PREX1: variants seen among roughly 807,000 people sequenced by gnomAD.
PREX1 encodes phosphatidylinositol 3,4,5-trisphosphate-dependent Rac exchanger 1 protein.
Under a neutral mutation model 198.3 loss-of-function variants are expected in PREX1, and 41 were observed. That is an observed-to-expected ratio of 0.21 (90% CI 0.16 to 0.27). PREX1 has a LOEUF of 0.27. Among genes scored for constraint, PREX1 ranks in the 10% least tolerant of loss-of-function variants. PREX1 has a pLI of 1.00. For missense variants in PREX1, 1,620 were observed against 2,200.7 expected (o/e 0.74, Z 5.28); for synonymous variants, 843 against 887.2 (o/e 0.95, Z 0.89).
chr20:48,689,657 C>T (rs2089806566), intron 9 of PREX1, among the ~76,000 whole-genome samples: 1 of 152,208 alleles, frequency 6.6e-6, no homozygotes, highest in East Asian at 1.9e-4. Context: ...GAACCCCATC[C>T]CAGTCCTGAC....
chr20:48,671,513 C>T (rs1012362532), intron 14 of PREX1, among the ~76,000 whole-genome samples: 3 of 152,202 alleles, frequency 2.0e-5, no homozygotes, highest in African/African-American at 4.8e-5. Flanking sequence ...TGCAGCCAAA[C>T]GCATGTGTAA....
intron 1 of PREX1, among the ~76,000 whole-genome samples, chr20:48,813,838 C>T (rs34456549): frequency 2.0e-5 from 3 of 152,178 alleles, no homozygotes; most frequent in African/African-American, 7.2e-5. Flanking sequence ...CACAAAATAT[C>T]ATTTTACCAT....
At chr20:48,704,231 C>G (rs912878316) in intron 6 of PREX1, among the ~76,000 whole-genome samples, 2 of 152,188 alleles carry the variant, frequency 1.3e-5, no homozygotes, top group African/African-American at 2.4e-5. Context: ...TCCACTCCCC[C>G]GACCTGCTCA....
At chr20:48,744,610 A>C (rs1601109537) in intron 3 of PREX1, among the ~76,000 whole-genome samples, 1 of 152,234 alleles carries the variant, frequency 6.6e-6, no homozygotes, top group East Asian at 1.9e-4. Context: ...GGGGCACCCC[A>C]GGATCAGACA....
chr20:48,678,761 A>T (rs1445556141), intron 13 of PREX1, among the ~76,000 whole-genome samples: 1 of 152,226 alleles, frequency 6.6e-6, no homozygotes, highest in Non-Finnish European at 1.5e-5. Flanking sequence ...TCCACGATTG[A>T]GAGGCCTCCC....
chr20:48,823,701 G>A (rs1017899541), intron 1 of PREX1, among the ~76,000 whole-genome samples: 1 of 152,212 alleles, frequency 6.6e-6, no homozygotes, highest in Non-Finnish European at 1.5e-5. Context: ...AGGAGGAAGC[G>A]CAGGCGGAGG....
chr20:48,739,913 A>C (rs1267349413), intron 3 of PREX1, among the ~76,000 whole-genome samples: 2 of 152,190 alleles, frequency 1.3e-5, no homozygotes, highest in Non-Finnish European at 2.9e-5. Context: ...GTGAAGTTTT[A>C]ATGAATGCAT....
chr20:48,681,137 G>A (rs1296898286), intron 11 of PREX1, 98 bp downstream of exon 11: 6 of 1,059,630 alleles, frequency 5.7e-6, no homozygotes, highest in South Asian at 4.1e-5. Context: ...GCGGCTGCAC[G>A]AAAGGATAGG....
intron 7 of PREX1, 63 bp downstream of exon 7, chr20:48,700,690 G>T: frequency 6.3e-7 from 1 of 1,587,680 alleles, no homozygotes; most frequent in Non-Finnish European, 8.6e-7. Context: ...GAAGTGACAA[G>T]CCCAAGGCAT....
chr20:48,811,316 A>C (rs1486399330), intron 1 of PREX1, among the ~76,000 whole-genome samples: 1 of 152,104 alleles, frequency 6.6e-6, no homozygotes, highest in African/African-American at 2.4e-5. Flanking sequence ...TACCCAGCCT[A>C]AACAAAAAAT....
chr20:48,828,824 C>A (rs1196186406), upstream of PREX1, among the ~76,000 whole-genome samples: 1 of 152,244 alleles, frequency 6.6e-6, no homozygotes, highest in African/African-American at 2.4e-5. Flanking sequence ...TCCATCCACC[C>A]ACCCCATGGG....
intron 1 of PREX1, among the ~76,000 whole-genome samples, chr20:48,759,844 C>T (rs138483654): frequency 1.4e-4 from 22 of 152,226 alleles, no homozygotes; most frequent in South Asian, 4.1e-4. Context: ...TGAGCTCACA[C>T]CTGTAATCCT....
chr20:48,847,364 T>TAAAAAAAA, the PREX1 span, among the ~76,000 whole-genome samples: 55 of 77,212 alleles, frequency 7.1e-4, no homozygotes, highest in African/African-American at 2.7e-3. Flanking sequence ...CCTTCTCTTA[T>TAAAAAAAA]AAAAAAAAAA....
At chr20:48,806,997 G>A (rs960621100) in intron 1 of PREX1, among the ~76,000 whole-genome samples, 1 of 152,178 alleles carries the variant, frequency 6.6e-6, no homozygotes, top group Non-Finnish European at 1.5e-5. Context: ...GTCAGAGAAC[G>A]CCTCTTCAAG....
intron 1 of PREX1, among the ~76,000 whole-genome samples, chr20:48,805,895 C>T (rs1183753823): frequency 6.6e-6 from 1 of 152,192 alleles, no homozygotes; most frequent in Non-Finnish European, 1.5e-5. Flanking sequence ...AGACAGGTGG[C>T]AAATACAGAA....
At position 48,647,793 on chromosome 20, in the gene PREX1, A is replaced by G. The variant is rs1291021475; in HGVS notation, c.3305+1507T>C. Among the ~76,000 whole-genome samples, 3 of 152,270 alleles carry G rather than the reference A, an allele frequency of 2.0e-5. No homozygotes were observed. The East Asian group carries it at 5.8e-4, about 29-fold the overall frequency. On this transcript the variant is annotated intron_variant, in intron 25 of 39. Transcript: ENST00000371941. ...TTATCATGGAATATTTCCATCATAC[A>G]CAAAAGTAGAGAGAATATCATGAAC...
chr20:48,874,054 G>A, the PREX1 span, among the ~76,000 whole-genome samples: 6 of 151,908 alleles, frequency 3.9e-5, no homozygotes, highest in Admixed American at 6.6e-5. Context: ...GGTCAGAAAC[G>A]TTTACTTAAT....
In PREX1 at chr20:48,627,972, GGGGA is replaced by G; in HGVS notation, c.4767-13_4767-10del. 1 of 1,604,164 alleles carries G rather than the reference GGGGA, an allele frequency of 6.2e-7. No homozygotes were observed. The highest frequency in any genetic ancestry group is 2.1e-4 in the Middle Eastern group (1 of 4,674). Reference sequence around the variant, plus strand: ...ACACGCTCAGGGTGCTCCTGCAGCAGGGGAGGGAGGACAGCGGGTTGGCGGTGGG... The same window carrying G: ...ACACGCTCAGGGTGCTCCTGCAGCAGGGGAGGACAGCGGGTTGGCGGTGGG... On this transcript the variant is annotated splice_polypyrimidine_tract_variant and intron_variant, in intron 37 of 39. Transcript: ENST00000371941.
At chr20:48,813,911 C>G (rs2090447740) in intron 1 of PREX1, among the ~76,000 whole-genome samples, 1 of 152,188 alleles carries the variant, frequency 6.6e-6, no homozygotes, top group Non-Finnish European at 1.5e-5. Flanking sequence ...TTGATACTGA[C>G]ACCTCCACTG....
Sources: gnomAD v4.1 joint callset for allele counts (sites outside exome capture counted in the v4.1 genomes callset) on GRCh38, gnomAD v4.1.1 for gene constraint, MANE v1.5 for transcripts, NCBI Gene and HGNC (gene_info 2026-07-23, HGNC 2026-07-21) for gene names.